Variants in TENM2 observed in about 807,000 individuals in gnomAD.
The protein encoded by TENM2 is teneurin transmembrane protein 2.
A neutral mutation model predicts 245.2 loss-of-function variants in TENM2; 52 were observed. That is an observed-to-expected ratio of 0.21 (90% CI 0.17 to 0.27). TENM2 has a LOEUF of 0.27. Among genes scored for constraint, TENM2 ranks in the 10% least tolerant of loss-of-function variants. TENM2 has a pLI of 1.00. For synonymous variants in TENM2, 1,363 were observed against 1,438.9 expected (o/e 0.95, Z 1.19); for missense variants, 3,046 against 3,666.8 (o/e 0.83, Z 4.37).
chr5:168,069,801 C>G (rs987545752), intron 7 of TENM2, among the ~76,000 whole-genome samples: 1 of 152,176 alleles, frequency 6.6e-6, no homozygotes, highest in South Asian at 2.1e-4. Flanking sequence ...TAAAATTACA[C>G]CTGCTGCCAA....
chr5:167,492,364 TA>T (rs1768485790), intron 2 of TENM2, among the ~76,000 whole-genome samples: 1 of 152,084 alleles, frequency 6.6e-6, no homozygotes, highest in African/African-American at 2.4e-5. Flanking sequence ...ATGACATTAT[TA>T]AAATTATTAA....
chr5:167,873,925 C>A (rs994051882), intron 2 of TENM2, among the ~76,000 whole-genome samples: 2 of 152,058 alleles, frequency 1.3e-5, no homozygotes, highest in African/African-American at 2.4e-5. Context: ...TGTACAGGAG[C>A]CCCTAACATT....
chr5:167,666,270 T>C (rs528487586), intron 2 of TENM2, among the ~76,000 whole-genome samples: 3 of 152,156 alleles, frequency 2.0e-5, no homozygotes, highest in African/African-American at 7.2e-5. Flanking sequence ...TTCTAAGAAA[T>C]GGTGGTGAGC....
intron 12 of TENM2, among the ~76,000 whole-genome samples, chr5:168,145,574 GTTACTGTAGCCTTGTAGTATAGT>G (rs1465636831): frequency 2.7e-5 from 4 of 150,486 alleles, no homozygotes; most frequent in African/African-American, 4.9e-5. Context: ...TGCTGTTTTG[GTTACTGTAGCCTTGTAGTATAGT>G]TTGAAGTCAG....
intron 2 of TENM2, among the ~76,000 whole-genome samples, chr5:167,533,844 T>C (rs988637643): frequency 5.3e-5 from 8 of 152,250 alleles, no homozygotes; most frequent in Admixed American, 2.0e-4. Context: ...GTGTGATATA[T>C]GAAGGAGTGG....
intron 5 of TENM2, among the ~76,000 whole-genome samples, chr5:168,011,761 A>G (rs1785238581): frequency 6.6e-6 from 1 of 152,208 alleles, no homozygotes. Context: ...CTGAAGAGGT[A>G]TAATGAAAAG....
At chr5:167,666,575 A>G (rs1372722186) in intron 2 of TENM2, among the ~76,000 whole-genome samples, 1 of 152,172 alleles carries the variant, frequency 6.6e-6, no homozygotes, top group African/African-American at 2.4e-5. Context: ...GAATTATTTG[A>G]GAGTTGGCTG....
chr5:167,480,650 C>T (rs1767701108), intron 2 of TENM2, among the ~76,000 whole-genome samples: 1 of 152,146 alleles, frequency 6.6e-6, no homozygotes, highest in African/African-American at 2.4e-5. Flanking sequence ...ATGAACTTTG[C>T]ACCAAGGATA....
chr5:167,353,577 G>C (rs376805995), intron 1 of TENM2, among the ~76,000 whole-genome samples: 4 of 125,132 alleles, frequency 3.2e-5, no homozygotes, highest in South Asian at 2.9e-4. Context: ...GCGGGATCTC[G>C]GCTCACTGCA....
At chr5:167,947,860 G>T (rs39951) in intron 3 of TENM2, among the ~76,000 whole-genome samples, 52,661 of 151,954 alleles carry the variant, frequency 0.35, 11,962 homozygotes, top group African/African-American at 0.66. Flanking sequence ...GGCAGGCCCT[G>T]ACTTTTATTT....
Position 167,630,487 on chromosome 5 carries a change from G to A in TENM2, c.503-245499G>A, listed in dbSNP as rs527587801. On this transcript the variant is annotated intron_variant, in intron 2 of 28. Coordinates refer to ENST00000518659, the Ensembl canonical transcript of TENM2. ...AAAGCTTATAAACTGCTTATTTTTCGAATTTTTCATTTAGTATTTTCAGAC... is the reference window on the plus strand; with the variant it reads ...AAAGCTTATAAACTGCTTATTTTTCAAATTTTTCATTTAGTATTTTCAGAC... Among the ~76,000 whole-genome samples the A allele has an allele frequency of 1.4e-3, 209 of 152,162 alleles. 1 individual carries two copies. Among genetic ancestry groups the A allele is most frequent in the African/African-American group, 4.8e-3 (199 of 41,518 alleles).
the TENM2 span, among the ~76,000 whole-genome samples, chr5:167,215,490 G>A: frequency 6.6e-6 from 1 of 152,162 alleles, no homozygotes; most frequent in African/African-American, 2.4e-5. Flanking sequence ...ACATGCAACT[G>A]AAAGAGGCAG....
At chr5:167,733,953 C>T (rs1335342675) in intron 2 of TENM2, among the ~76,000 whole-genome samples, 1 of 152,146 alleles carries the variant, frequency 6.6e-6, no homozygotes, top group Non-Finnish European at 1.5e-5. Flanking sequence ...AGAAACTTAC[C>T]CAAGGTCACG....
At position 168,091,998 on chromosome 5, in the gene TENM2, G is replaced by A. The variant is rs186194651; in HGVS notation, c.1711+1229G>A. 1.5e-3 allele frequency among the ~76,000 whole-genome samples: 234 copies of A among 152,286 alleles called. 1 individual carries two copies. The highest frequency in any genetic ancestry group is 5.3e-3 in the African/African-American group (221 of 41,552). On this transcript the variant is annotated intron_variant, in intron 8 of 28. Coordinates refer to ENST00000518659, the Ensembl canonical transcript of TENM2. ...AAAACGTGTGTGGCATGTGTTGGTG[G>A]TCACTAAGTGACATCCGATTATTTT... is the stretch of plus-strand genomic sequence containing the variant.
chr5:167,271,180 C>A, the TENM2 span, among the ~76,000 whole-genome samples: 1 of 152,128 alleles, frequency 6.6e-6, no homozygotes, highest in African/African-American at 2.4e-5. Context: ...TCTGCTGCCT[C>A]TCCGAAAGCT....
intron 7 of TENM2, among the ~76,000 whole-genome samples, chr5:168,064,000 A>G (rs1028523673): frequency 2.0e-5 from 3 of 152,032 alleles, no homozygotes; most frequent in African/African-American, 7.2e-5. Flanking sequence ...AAAAATATTT[A>G]TAGGGCTAGA....
chr5:167,365,536 A>G (rs1759995689), intron 1 of TENM2, among the ~76,000 whole-genome samples: 1 of 151,960 alleles, frequency 6.6e-6, no homozygotes, highest in Non-Finnish European at 1.5e-5. Flanking sequence ...AAAAAAAGAA[A>G]GGATCCCTCA....
chr5:167,994,041 A>G (rs1039755417), intron 5 of TENM2, among the ~76,000 whole-genome samples: 1 of 152,246 alleles, frequency 6.6e-6, no homozygotes, highest in Non-Finnish European at 1.5e-5. Flanking sequence ...TGGCCCCAAC[A>G]AAGAGCCCCA....
intron 6 of TENM2, among the ~76,000 whole-genome samples, chr5:168,061,645 A>G (rs1366877474): frequency 6.6e-6 from 1 of 152,118 alleles, no homozygotes; most frequent in Non-Finnish European, 1.5e-5. Flanking sequence ...ATGTCAGAGT[A>G]TATTTGTGTC....
Sources: allele counts gnomAD v4.1 joint callset (sites outside exome capture counted in the v4.1 genomes callset), GRCh38; gene constraint gnomAD v4.1.1; transcripts MANE v1.5; gene names NCBI Gene and HGNC (gene_info 2026-07-23, HGNC 2026-07-21).